CD99: variants seen among roughly 807,000 people sequenced by gnomAD.
CD99 encodes CD99 molecule (Xg blood group).
A neutral mutation model predicts 28.4 loss-of-function variants in CD99; 19 were observed. The observed-to-expected ratio is 0.67, with a 90% CI of 0.47 to 0.98. The LOEUF (loss-of-function observed/expected upper bound fraction) is 0.98, where lower values mean the gene tolerates loss of function less well. CD99 is among the 50% of genes least tolerant of loss of function. The probability of loss-of-function intolerance (pLI) is 0.00; values close to 1 mark genes in which losing one functional copy is unlikely to be tolerated. For synonymous variants in CD99, 103 were observed against 92.1 expected, an observed-to-expected ratio of 1.12 and a Z score of -0.67; for missense variants, 283 against 248.8, an observed-to-expected ratio of 1.14 and a Z score of -0.92.
chrX:2,715,976 A>G (rs1441043372), intron 2 of CD99, among the ~76,000 whole-genome samples: 1 of 150,696 alleles, frequency 6.6e-6, no homozygotes, highest in Non-Finnish European at 1.5e-5. Flanking sequence ...GTGGGTGTGG[A>G]TCTTGGAGGA....
At chrX:2,714,735 G>GAAACCACCATCTAAGAGA in intron 2 of CD99, 1 of 330,204 alleles carries the variant, frequency 3.0e-6, no homozygotes. Flanking sequence ...ACGTGCTGTT[G>GAAACCACCATCTAAGAGA]GAAAAAATGA....
intron 8 of CD99, chrX:2,733,465 C>T (rs1330225457): frequency 3.2e-5 from 44 of 1,360,112 alleles, no homozygotes; most frequent in Non-Finnish European, 4.4e-5. Context: ...ACCCTTCCAT[C>T]TGCCGCTCCC....
chrX:2,735,448 C>T lies in CD99; in HGVS notation c.476-2752C>T, dbSNP rs185323086. On this transcript the variant is annotated intron_variant, in intron 8 of 9. Transcript: ENST00000381192. ...AGACCAGTTCTCCTCCTGAGAGGTCCGTGATGTTGGAACTGTTGCCCCAGA... is the reference window on the plus strand; with the variant it reads ...AGACCAGTTCTCCTCCTGAGAGGTCTGTGATGTTGGAACTGTTGCCCCAGA... Among the ~76,000 whole-genome samples the T allele has an allele frequency of 5.3e-5, 8 of 152,196 alleles. No homozygotes were observed. The East Asian group carries it at 1.4e-3, about 26-fold the overall frequency.
chrX:2,704,524 GC>G (rs1353743252), intron 1 of CD99, among the ~76,000 whole-genome samples: 1 of 151,798 alleles, frequency 6.6e-6, no homozygotes, highest in African/African-American at 2.4e-5. Flanking sequence ...ACCTCCATCT[GC>G]CAAGTTCAAG....
Position 2,740,942 on chromosome X carries a change from G to A in CD99, c.*138G>A, listed in dbSNP as rs2050163019. The A allele has an allele frequency of 2.1e-6, 2 of 960,554 alleles. No individual in the cohort carries two copies. The highest frequency in any genetic ancestry group is 1.8e-5 in the Admixed American group (1 of 54,556). The allele number at this position is 960,554 out of a possible 1,614,324, so 59.5% of individuals were successfully genotyped here. Reference sequence around the variant, plus strand: ...GGCGGATTCTTTGTTTTAATCTTGCGATGTGCTTTGCTTGTTGCTGGGCGG... The same window carrying A: ...GGCGGATTCTTTGTTTTAATCTTGCAATGTGCTTTGCTTGTTGCTGGGCGG... On this transcript the variant is annotated 3_prime_UTR_variant, in exon 10 of 10. Coordinates refer to ENST00000381192, the MANE Select transcript of CD99 (RefSeq NM_002414.5).
At chrX:2,699,773 A>C (rs1228977930) in intron 1 of CD99, among the ~76,000 whole-genome samples, 2 of 152,136 alleles carry the variant, frequency 1.3e-5, no homozygotes, top group Non-Finnish European at 2.9e-5. Context: ...AATTTTTAAA[A>C]AGCCCCTCGG....
rs1005918228 is a variant in CD99, at chrX:2,738,257, G to T, written c.532+1G>T. The T allele has an allele frequency of 6.2e-7, 1 of 1,613,804 alleles. No individual in the cohort carries two copies. Among genetic ancestry groups the T allele is most frequent in the Non-Finnish European group, 8.5e-7 (1 of 1,179,844 alleles). On this transcript the variant is annotated splice_donor_variant, in intron 9 of 9. Transcript: ENST00000381192. LOFTEE classifies it high-confidence loss of function. ...CGGAATGCCAACGCAGAGCCAGCTG[G>T]TAAGAAGGACGGGGAACGATGGCTT...
intron 8 of CD99, among the ~76,000 whole-genome samples, chrX:2,732,838 A>C: frequency 3.6e-5 from 4 of 110,230 alleles, no homozygotes; most frequent in African/African-American, 4.9e-5. Flanking sequence ...GTCTCTCTTC[A>C]TCCATCTCTC....
intron 8 of CD99, among the ~76,000 whole-genome samples, chrX:2,731,194 C>A (rs1410271452): frequency 6.6e-6 from 1 of 152,110 alleles, no homozygotes; most frequent in African/African-American, 2.4e-5. Flanking sequence ...TTTATGGGTT[C>A]GATTTCCGGG....
intron 8 of CD99, among the ~76,000 whole-genome samples, chrX:2,728,501 T>C (rs760794777): frequency 6.6e-6 from 1 of 152,168 alleles, no homozygotes; most frequent in Non-Finnish European, 1.5e-5. Flanking sequence ...CAGCTGGTGT[T>C]TGGTTGATTG....
intron 1 of CD99, among the ~76,000 whole-genome samples, chrX:2,711,318 TA>T (rs1335425205): frequency 2.7e-5 from 4 of 148,754 alleles, no homozygotes; most frequent in Admixed American, 6.7e-5. Flanking sequence ...AGTATGTATG[TA>T]TATGGTGTGT....
At chrX:2,736,160 C>T (rs1270994251) in intron 8 of CD99, among the ~76,000 whole-genome samples, 1 of 150,826 alleles carries the variant, frequency 6.6e-6, no homozygotes, top group Non-Finnish European at 1.5e-5. Flanking sequence ...CGAGATCGCG[C>T]CACTGCGTTC....
chrX:2,739,105 G>A (rs2050083514), intron 9 of CD99, among the ~76,000 whole-genome samples: 1 of 152,036 alleles, frequency 6.6e-6, no homozygotes, highest in Admixed American at 6.6e-5. Context: ...CTGAGCTCAA[G>A]CAACCCTCCG....
At chrX:2,698,779 A>G (rs2047696786) in intron 1 of CD99, among the ~76,000 whole-genome samples, 1 of 152,174 alleles carries the variant, frequency 6.6e-6, no homozygotes, top group African/African-American at 2.4e-5. Flanking sequence ...TGATGGTTTC[A>G]GACACAAACC....
intron 1 of CD99, among the ~76,000 whole-genome samples, chrX:2,697,055 A>T (rs1052772366): frequency 1.3e-5 from 2 of 152,178 alleles, no homozygotes; most frequent in Non-Finnish European, 1.5e-5. Flanking sequence ...CTTGCAAAGA[A>T]GAAAATTCAA....
At chrX:2,713,400 CACAT>C (rs10591905) in intron 1 of CD99, among the ~76,000 whole-genome samples, 56,206 of 151,366 alleles carry the variant, frequency 0.37, 11,902 homozygotes, top group African/African-American at 0.59. Context: ...CACAAACCCA[CACAT>C]ACATGCACCT....
intron 8 of CD99, among the ~76,000 whole-genome samples, chrX:2,730,568 T>C (rs1322098578): frequency 6.6e-6 from 1 of 152,170 alleles, no homozygotes; most frequent in African/African-American, 2.4e-5. Flanking sequence ...AGGCTAATTT[T>C]CTTCTAATAT....
chrX:2,711,312 T>C (rs921422462), intron 1 of CD99, among the ~76,000 whole-genome samples: 63 of 148,610 alleles, frequency 4.2e-4, no homozygotes, highest in Non-Finnish European at 5.9e-4. Flanking sequence ...ATATATAGTA[T>C]GTATGTATAT....
chrX:2,704,368 T>G (rs1233637344), intron 1 of CD99, among the ~76,000 whole-genome samples: 5 of 152,176 alleles, frequency 3.3e-5, no homozygotes, highest in African/African-American at 1.2e-4. Flanking sequence ...ACCTTGTACC[T>G]TAGGCCACCG....
Sources: allele counts gnomAD v4.1 joint callset (sites outside exome capture counted in the v4.1 genomes callset), GRCh38; gene constraint gnomAD v4.1.1; transcripts MANE v1.5; gene names NCBI Gene and HGNC (gene_info 2026-07-23, HGNC 2026-07-21).